The following CTNNA3 variants were observed in gnomAD, a reference collection of about 807,000 sequenced individuals.
CTNNA3 encodes catenin alpha-3.
Under a neutral mutation model 95.7 loss-of-function variants are expected in CTNNA3, and 76 were observed. The ratio of observed to expected loss-of-function variants is 0.79; its 90% CI spans 0.66 to 0.96. CTNNA3 has a LOEUF of 0.96. CTNNA3 is among the 40% of genes least tolerant of loss of function. CTNNA3 has a pLI of 0.00. For synonymous variants in CTNNA3, 431 were observed against 374.4 expected, an observed-to-expected ratio of 1.15 and a Z score of -1.74; for missense variants, 1,191 against 1,089.8, an observed-to-expected ratio of 1.09 and a Z score of -1.31.
At chr10:67,268,359 A>T (rs3057672) in intron 5 of CTNNA3, among the ~76,000 whole-genome samples, 2,653 of 142,830 alleles carry the variant, frequency 0.019, 73 homozygotes, top group East Asian at 0.067. Flanking sequence ...TAAATTAAAT[A>T]AATAAATAAA....
intron 7 of CTNNA3, among the ~76,000 whole-genome samples, chr10:67,105,077 T>C (rs1456794193): frequency 4.6e-5 from 7 of 152,042 alleles, no homozygotes; most frequent in Non-Finnish European, 8.8e-5. Flanking sequence ...GAAGGGCATG[T>C]GATTTATTAT....
intron 15 of CTNNA3, among the ~76,000 whole-genome samples, chr10:66,004,695 C>T (rs1049389388): frequency 3.3e-5 from 5 of 152,326 alleles, no homozygotes; most frequent in African/African-American, 1.2e-4. Flanking sequence ...AACACTGCCA[C>T]TCTTCTCTGC....
At chr10:66,818,489 G>A (rs1439587451) in intron 7 of CTNNA3, among the ~76,000 whole-genome samples, 1 of 151,902 alleles carries the variant, frequency 6.6e-6, no homozygotes, top group African/African-American at 2.4e-5. Flanking sequence ...GTCTGAATAT[G>A]AAATTAAAAT....
intron 13 of CTNNA3, among the ~76,000 whole-genome samples, chr10:66,211,732 G>T (rs1377145154): frequency 1.3e-5 from 2 of 152,270 alleles, no homozygotes; most frequent in Non-Finnish European, 2.9e-5. Flanking sequence ...AGAGTTCCTG[G>T]TAGTAAGAGG....
chr10:67,041,675 T>C (rs912141722), intron 7 of CTNNA3, among the ~76,000 whole-genome samples: 1 of 152,142 alleles, frequency 6.6e-6, no homozygotes, highest in African/African-American at 2.4e-5. Flanking sequence ...ATGTGTCTAT[T>C]AATACATTCA....
chr10:66,745,891 G>A (rs1028590192), intron 9 of CTNNA3, among the ~76,000 whole-genome samples: 4 of 151,826 alleles, frequency 2.6e-5, no homozygotes, highest in African/African-American at 4.8e-5. Context: ...GAGCCACAGC[G>A]CCCGGCCCAC....
chr10:66,590,575 T>C (rs1843515186), intron 10 of CTNNA3, among the ~76,000 whole-genome samples: 1 of 151,862 alleles, frequency 6.6e-6, no homozygotes, highest in Non-Finnish European at 1.5e-5. Context: ...ATGAGAAAAA[T>C]GAGGACCATG....
intron 7 of CTNNA3, among the ~76,000 whole-genome samples, chr10:67,012,093 A>G (rs147431207): frequency 6.6e-6 from 1 of 152,354 alleles, no homozygotes; most frequent in East Asian, 1.9e-4. Context: ...GATACAAGTC[A>G]AACACAACTC....
intron 12 of CTNNA3, among the ~76,000 whole-genome samples, chr10:66,358,266 G>A (rs971689619): frequency 6.6e-6 from 1 of 152,112 alleles, no homozygotes; most frequent in Non-Finnish European, 1.5e-5. Flanking sequence ...GCCTGAGAAA[G>A]TGTTTTGCTT....
chr10:66,445,048 A>G (rs1377933476), intron 11 of CTNNA3, among the ~76,000 whole-genome samples: 3 of 152,148 alleles, frequency 2.0e-5, no homozygotes, highest in Non-Finnish European at 4.4e-5. Flanking sequence ...AACAGACTAA[A>G]CCAACAAAGA....
chr10:67,700,985 G>C (rs950071156), upstream of CTNNA3, among the ~76,000 whole-genome samples: 1 of 152,216 alleles, frequency 6.6e-6, no homozygotes, highest in African/African-American at 2.4e-5. Context: ...GAACGCAGAA[G>C]CCTCAGGAGC....
At chr10:66,389,200 C>T (rs115200559) in intron 11 of CTNNA3, among the ~76,000 whole-genome samples, 2,465 of 151,098 alleles carry the variant, frequency 0.016, 72 homozygotes, top group African/African-American at 0.058. Flanking sequence ...TCATTTGGTT[C>T]TCTCCTCAAA....
chr10:66,428,545 C>A (rs2093264842), intron 11 of CTNNA3, among the ~76,000 whole-genome samples: 4 of 152,072 alleles, frequency 2.6e-5, no homozygotes, highest in Non-Finnish European at 5.9e-5. Flanking sequence ...GAAATTATAA[C>A]AAACTGTCTC....
In CTNNA3 at chr10:66,356,221, A is replaced by C. The variant is rs570963497; in HGVS notation, c.1732+22931T>G. Among the ~76,000 whole-genome samples, 701 of 150,752 alleles carry C rather than the reference A, an allele frequency of 4.7e-3. 5 individuals are homozygous for C. Among genetic ancestry groups the C allele is most frequent in the African/African-American group, 0.016 (652 of 41,102 alleles). ...TTAGAATCAGCTTATATATAGCTGG[A>C]AAAAAATTCTGCTAGGATTTTGACT... On this transcript the variant is annotated intron_variant, in intron 12 of 17. Coordinates refer to ENST00000433211, the MANE Select transcript of CTNNA3 (RefSeq NM_013266.4).
chr10:65,985,720 C>CTTTCCTGT (rs1309300054), intron 16 of CTNNA3, among the ~76,000 whole-genome samples: 1 of 151,420 alleles, frequency 6.6e-6, no homozygotes, highest in Admixed American at 6.6e-5. Flanking sequence ...TGAAACAAGA[C>CTTTCCTGT]AAGGCTGCCT....
chr10:66,826,705 T>C (rs1237084886), intron 7 of CTNNA3, among the ~76,000 whole-genome samples: 1 of 152,172 alleles, frequency 6.6e-6, no homozygotes, highest in Non-Finnish European at 1.5e-5. Context: ...ATTAATCTAC[T>C]AAAAACTGAA....
intron 1 of CTNNA3, among the ~76,000 whole-genome samples, chr10:67,726,657 T>TATCATATATCA (rs1564841400): frequency 2.4e-5 from 2 of 82,624 alleles, no homozygotes; most frequent in Non-Finnish European, 4.1e-5. Flanking sequence ...CTATAATATA[T>TATCATATATCA]TATATATTAT....
chr10:67,459,778 C>T (rs922787527), intron 5 of CTNNA3, among the ~76,000 whole-genome samples: 1 of 152,096 alleles, frequency 6.6e-6, no homozygotes, highest in Non-Finnish European at 1.5e-5. Context: ...GATTAAATGC[C>T]TTAGCTTTGC....
At position 67,727,754 on chromosome 10, in the gene CTNNA3, A is replaced by G. The variant is rs1841247399; in HGVS notation, c.-2+35680T>C. Reference sequence around the variant, plus strand: ...GTTGAGGAAGTCATAGCTTACTTATATTATATATTATATATAATATATAAT... The same window carrying G: ...GTTGAGGAAGTCATAGCTTACTTATGTTATATATTATATATAATATATAAT... On this transcript the variant is annotated intron_variant, in intron 1 of 17. Transcript: ENST00000684154. 9.6e-5 allele frequency among the ~76,000 whole-genome samples: 12 copies of G among 125,194 alleles called. No homozygotes were observed. In the South Asian group the frequency reaches 2.7e-3, roughly 28 times the overall value. 82.1% of individuals were successfully genotyped at this position (125,194 alleles called of 152,430 possible). A position where few individuals can be genotyped will look rare whatever the true frequency, so the allele number is the denominator to read the frequency against.
Sources: allele counts gnomAD v4.1 joint callset (sites outside exome capture counted in the v4.1 genomes callset), GRCh38; gene constraint gnomAD v4.1.1; transcripts MANE v1.5; gene names NCBI Gene and HGNC (gene_info 2026-07-23, HGNC 2026-07-21).